Variants in TMOD2 observed in about 807,000 individuals in gnomAD.
TMOD2 encodes the protein tropomodulin 2, also known as tropomodulin-2.
TMOD2 carries 22 observed loss-of-function variants against 39.9 expected under a neutral mutation model. The ratio of observed to expected loss-of-function variants is 0.55; its 90% CI spans 0.39 to 0.79. TMOD2 has a LOEUF of 0.79. Ranked by LOEUF, TMOD2 falls within the 30% of genes least tolerant of loss-of-function variation. TMOD2 has a pLI of 0.00. For missense variants in TMOD2, 386 were observed against 413.3 expected (o/e 0.93, Z 0.57); for synonymous variants, 123 against 146.1 (o/e 0.84, Z 1.14).
At chr15:51,778,211 A>G (rs2141624517) in intron 5 of TMOD2, among the ~76,000 whole-genome samples, 1 of 151,954 alleles carries the variant, frequency 6.6e-6, no homozygotes, top group Non-Finnish European at 1.5e-5. Context: ...ACTGGAAATC[A>G]TCATTCTCAG....
At chr15:51,795,687 T>G (rs571720205) in intron 7 of TMOD2, among the ~76,000 whole-genome samples, 12 of 151,292 alleles carry the variant, frequency 7.9e-5, no homozygotes, top group African/African-American at 2.9e-4. Context: ...GCATCTTTCA[T>G]CCACATCTCT....
chr15:51,787,204 C>G (rs1805819500), intron 7 of TMOD2, among the ~76,000 whole-genome samples: 1 of 152,230 alleles, frequency 6.6e-6, no homozygotes, highest in Non-Finnish European at 1.5e-5. Context: ...AGGTCCCACG[C>G]CCACAGAGCC....
intron 1 of TMOD2, among the ~76,000 whole-genome samples, chr15:51,762,830 A>C (rs2055790475): frequency 6.6e-6 from 1 of 152,154 alleles, no homozygotes; most frequent in Admixed American, 6.5e-5. Context: ...TCTTTCTCTC[A>C]TTATAATTAT....
chr15:51,768,517 TG>T (rs1680337427), intron 3 of TMOD2, 99 bp downstream of exon 3: 7 of 1,217,726 alleles, frequency 5.7e-6, no homozygotes, highest in Non-Finnish European at 8.0e-6. Flanking sequence ...TTTATTTTAT[TG>T]TCGTGGAGGA....
At position 51,806,324 on chromosome 15, in the gene TMOD2, T is replaced by G. The variant is rs1276941171; in HGVS notation, c.877-53T>G. 1.9e-6 allele frequency: 3 copies of G among 1,602,348 alleles called. No homozygotes were observed. The African/African-American group carries it at 4.0e-5, about 21-fold the overall frequency. ...CTTGTCTTTTTCCTGTGCAAGTAAC[T>G]GTTTCCTCTTCCTTCTTGGTCATCC... is the stretch of plus-strand genomic sequence containing the variant. On this transcript the variant is annotated intron_variant, in intron 8 of 9. Transcript: ENST00000249700.
At chr15:51,801,903 G>A (rs974192468) in intron 8 of TMOD2, among the ~76,000 whole-genome samples, 1 of 151,178 alleles carries the variant, frequency 6.6e-6, no homozygotes, top group Admixed American at 6.6e-5. Context: ...TCCAGCCTGG[G>A]CAACATAGCA....
rs1246858627 is a variant in TMOD2, at chr15:51,803,267, G to A, written c.877-3110G>A. Among the ~76,000 whole-genome samples, 6 of 141,264 alleles carry A rather than the reference G, an allele frequency of 4.2e-5. No individual in the cohort carries two copies. In the South Asian group the frequency reaches 7.2e-4, roughly 17 times the overall value. The allele number at this position is 141,264 out of a possible 152,430, so 92.7% of individuals were successfully genotyped here. On this transcript the variant is annotated intron_variant, in intron 8 of 9. Coordinates refer to ENST00000249700, the MANE Select transcript of TMOD2 (RefSeq NM_014548.4). The stretch of plus-strand genomic sequence containing the variant: ...GCCATCTCGGCTCACTGCAACCTCC[G>A]CCTCCCAGGTTCAAGCGATTCTCCT...
At chr15:51,765,094 G>A (rs1040429484) in intron 1 of TMOD2, among the ~76,000 whole-genome samples, 6 of 151,990 alleles carry the variant, frequency 3.9e-5, no homozygotes, top group Non-Finnish European at 8.8e-5. Context: ...TCTGCCTCCC[G>A]GGTTCAAGCA....
intron 8 of TMOD2, among the ~76,000 whole-genome samples, chr15:51,803,264 T>G (rs2056102149): frequency 7.0e-6 from 1 of 142,522 alleles, no homozygotes; most frequent in Non-Finnish European, 1.5e-5. Flanking sequence ...CACTGCAACC[T>G]CCGCCTCCCA....
rs781663661 is a variant in TMOD2, at chr15:51,808,462, TGAG to T, written c.*12_*14del. 9.3e-6 allele frequency: 15 copies of T among 1,611,618 alleles called. 1 individual carries two copies. Among genetic ancestry groups the T allele is most frequent in the Middle Eastern group, 1.7e-4 (1 of 6,050 alleles). The stretch of plus-strand genomic sequence containing the variant: ...GAAGCAGACCGAAGGTAAACTTCCT[TGAG>T]GAGAAGTGAAGTTTCACTGTGGTAT... On this transcript the variant is annotated 3_prime_UTR_variant, in exon 10 of 10. Transcript: ENST00000249700.
intron 9 of TMOD2, among the ~76,000 whole-genome samples, chr15:51,807,209 T>C (rs1007270672): frequency 6.6e-6 from 1 of 152,154 alleles, no homozygotes; most frequent in African/African-American, 2.4e-5. Context: ...AGTCAGTCAA[T>C]AGCAGGCTTC....
intron 7 of TMOD2, 90 bp from the exon 8 acceptor site, chr15:51,798,107 C>A: frequency 8.8e-7 from 1 of 1,133,662 alleles, no homozygotes; most frequent in Non-Finnish European, 1.2e-6. Context: ...TAGAAAACAT[C>A]TGTATTTAAT....
chr15:51,753,190 A>G (rs561841312), intron 1 of TMOD2, among the ~76,000 whole-genome samples: 2 of 152,370 alleles, frequency 1.3e-5, no homozygotes, highest in East Asian at 1.9e-4. Flanking sequence ...CAAACCTAAC[A>G]TAACAGTTGA....
intron 6 of TMOD2, among the ~76,000 whole-genome samples, chr15:51,782,350 A>G (rs1490736088): frequency 1.3e-5 from 2 of 152,248 alleles, no homozygotes; most frequent in Admixed American, 1.3e-4. Flanking sequence ...AGGGGAAAGC[A>G]TATATAAAGG....
chr15:51,816,284 C>G lies in TMOD2; in HGVS notation c.*7830C>G, dbSNP rs1016465867. On this transcript the variant is annotated 3_prime_UTR_variant, in exon 10 of 10. Transcript: ENST00000249700. ...TTCTGCTTTCGAAGGTATAATGTAT[C>G]TATTTCTGTCAGGAATGATATTTCC... is the stretch of plus-strand genomic sequence containing the variant. 2 of 152,134 alleles carry G rather than the reference C, an allele frequency of 1.3e-5. No homozygotes were observed. Among genetic ancestry groups the G allele is most frequent in the Non-Finnish European group, 2.9e-5 (2 of 68,022 alleles). 9.4% of individuals were successfully genotyped at this position (152,134 alleles called of 1,614,324 possible).
chr15:51,799,167 G>A (rs148867364), intron 8 of TMOD2, among the ~76,000 whole-genome samples: 4 of 152,268 alleles, frequency 2.6e-5, no homozygotes, highest in South Asian at 4.1e-4. Context: ...GGTCTGTGAT[G>A]GGGTTCCAGA....
Position 51,810,178 on chromosome 15 carries a change from G to A in TMOD2, c.*1724G>A, listed in dbSNP as rs2056147018. 1 of 152,046 alleles carries A rather than the reference G, an allele frequency of 6.6e-6. No individual in the cohort carries two copies. The highest frequency in any genetic ancestry group is 2.4e-5 in the African/African-American group (1 of 41,382). 9.4% of individuals were successfully genotyped at this position (152,046 alleles called of 1,614,324 possible). The stretch of plus-strand genomic sequence containing the variant: ...TTTTTCCTTCCCTTTCACCCATTTA[G>A]GTGTGATGTGTTGGAGTCAACTTGT... On this transcript the variant is annotated 3_prime_UTR_variant, in exon 10 of 10. Transcript: ENST00000249700.
intron 7 of TMOD2, chr15:51,783,772 TA>T (rs2055949171): frequency 6.6e-6 from 1 of 151,384 alleles, no homozygotes; most frequent in Non-Finnish European, 1.5e-5. Flanking sequence ...GATAGATAGA[TA>T]GATAGATAGA....
At chr15:51,785,875 T>C (rs2055966169) in intron 7 of TMOD2, among the ~76,000 whole-genome samples, 1 of 152,156 alleles carries the variant, frequency 6.6e-6, no homozygotes, top group Admixed American at 6.5e-5. Context: ...GCAAACACAT[T>C]GTATAAAGGT....
Sources: gnomAD v4.1 joint callset for allele counts (sites outside exome capture counted in the v4.1 genomes callset) on GRCh38, gnomAD v4.1.1 for gene constraint, MANE v1.5 for transcripts, NCBI Gene and HGNC (gene_info 2026-07-23, HGNC 2026-07-21) for gene names.